Variants in KCNG3 observed in about 807,000 individuals in gnomAD.
KCNG3 encodes the protein potassium voltage-gated channel modifier subfamily G member 3, also known as voltage-gated potassium channel regulatory subunit KCNG3.
Under a neutral mutation model 29.0 loss-of-function variants are expected in KCNG3, and 15 were observed. That is an observed-to-expected ratio of 0.52 (90% confidence interval 0.35 to 0.80). KCNG3 has a LOEUF of 0.80. Ranked by LOEUF, KCNG3 falls within the 30% of genes least tolerant of loss-of-function variation. KCNG3 has a pLI of 0.01. For synonymous variants in KCNG3, 322 were observed against 248.9 expected, an observed-to-expected ratio of 1.29 and a Z score of -2.76; for missense variants, 512 against 605.7, an observed-to-expected ratio of 0.85 and a Z score of 1.62.
the KCNG3 span, among the ~76,000 whole-genome samples, chr2:42,413,068 C>G: frequency 2.7e-3 from 418 of 152,258 alleles, 4 homozygotes; most frequent in South Asian, 0.019. Flanking sequence ...CCCCAGGGCT[C>G]AACTCCTGCA....
chr2:42,486,617 C>T (rs1442449196), intron 1 of KCNG3, among the ~76,000 whole-genome samples: 1 of 152,214 alleles, frequency 6.6e-6, no homozygotes, highest in Admixed American at 6.5e-5. Flanking sequence ...GTAGACAAGC[C>T]CAGCCCATTG....
rs1391942627 is a variant in KCNG3 at position 42,493,653 on chromosome 2, C to G, written c.-152G>C. ...GGCTCCGCTCCTGCCCTCCGCTGGCCCGGGGGTCCCTGGGCTCGAGTATCT... is the reference window on the plus strand; with the variant it reads ...GGCTCCGCTCCTGCCCTCCGCTGGCGCGGGGGTCCCTGGGCTCGAGTATCT... On this transcript the variant is annotated 5_prime_UTR_variant, in exon 1 of 2. Transcript: ENST00000306078. The G allele has an allele frequency of 3.5e-6, 2 of 564,144 alleles. No homozygotes were observed. Among genetic ancestry groups the G allele is most frequent in the Non-Finnish European group, 5.2e-6 (2 of 385,440 alleles). The allele number at this position is 564,144 out of a possible 1,614,324, so 34.9% of individuals were successfully genotyped here.
At chr2:42,427,504 G>A in the KCNG3 span, among the ~76,000 whole-genome samples, 1 of 152,008 alleles carries the variant, frequency 6.6e-6, no homozygotes, top group African/African-American at 2.4e-5. Context: ...TACTTGGGAG[G>A]CTGAGGTGGG....
At chr2:42,401,790 A>G in the KCNG3 span, among the ~76,000 whole-genome samples, 1 of 152,198 alleles carries the variant, frequency 6.6e-6, no homozygotes, top group African/African-American at 2.4e-5. Context: ...AGGCTGAGGC[A>G]GGACGACTGC....
In KCNG3 at chr2:42,443,394, A is replaced by C. The variant is rs1318019208; in HGVS notation, c.*540T>G. 1 of 152,674 alleles carries C rather than the reference A, an allele frequency of 6.5e-6. No homozygotes were observed. The highest frequency in any genetic ancestry group is 1.5e-5 in the Non-Finnish European group (1 of 68,054). 9.5% of individuals were successfully genotyped at this position (152,674 alleles called of 1,614,324 possible). Reference sequence around the variant, plus strand: ...ATGCTGGAAAAGTCTTTCAAATACTATTCTTGCTTGTATCTAGCTCCATTA... The same window carrying C: ...ATGCTGGAAAAGTCTTTCAAATACTCTTCTTGCTTGTATCTAGCTCCATTA... On this transcript the variant is annotated 3_prime_UTR_variant, in exon 2 of 2. Coordinates refer to ENST00000306078, the MANE Select transcript of KCNG3 (RefSeq NM_133329.6).
chr2:42,425,204 C>G, the KCNG3 span: 1 of 151,530 alleles, frequency 6.6e-6, no homozygotes, highest in Non-Finnish European at 1.5e-5. Flanking sequence ...AATCAGCCAG[C>G]CCGGCCAGCA....
intron 1 of KCNG3, among the ~76,000 whole-genome samples, chr2:42,473,249 T>C (rs181087764): frequency 3.9e-5 from 6 of 152,170 alleles, no homozygotes; most frequent in Non-Finnish European, 1.5e-5. Flanking sequence ...GGTAAACAGG[T>C]ATTAATTGTG....
chr2:42,409,738 T>TAA, the KCNG3 span, among the ~76,000 whole-genome samples: 5 of 139,438 alleles, frequency 3.6e-5, no homozygotes, highest in East Asian at 4.2e-4. Flanking sequence ...AATTTTTTTT[T>TAA]AAATTATACA....
At chr2:42,456,259 C>A (rs752211604) in intron 1 of KCNG3, among the ~76,000 whole-genome samples, 35 of 152,154 alleles carry the variant, frequency 2.3e-4, no homozygotes, top group Non-Finnish European at 4.7e-4. Flanking sequence ...CAGTGGCTCA[C>A]ACCTGTAATC....
At chr2:42,463,821 T>A (rs1215486075) in intron 1 of KCNG3, 1 of 233,530 alleles carries the variant, frequency 4.3e-6, no homozygotes, top group Non-Finnish European at 8.6e-6. Context: ...CTGTACTTGG[T>A]TCGCAGGCTG....
the KCNG3 span, among the ~76,000 whole-genome samples, chr2:42,432,934 T>TAAAAAAAAAAAA: frequency 3.8e-5 from 5 of 132,752 alleles, no homozygotes; most frequent in Non-Finnish European, 8.1e-5. Flanking sequence ...GCTTTTATGA[T>TAAAAAAAAAAAA]AAAAAAAAAA....
At chr2:42,480,537 T>C (rs1002937611) in intron 1 of KCNG3, among the ~76,000 whole-genome samples, 11 of 152,272 alleles carry the variant, frequency 7.2e-5, no homozygotes, top group Non-Finnish European at 1.3e-4. Context: ...CCATAAACAA[T>C]ATGTAAAAGA....
At position 42,443,876 on chromosome 2, in the gene KCNG3, T is replaced by C. The variant is rs1672541125; in HGVS notation, c.*58A>G. The stretch of plus-strand genomic sequence containing the variant: ...GCTCACCCAGCAAGAAACACATAAA[T>C]ATGAAGCAGCATCAAAGTCTTTCTA... On this transcript the variant is annotated 3_prime_UTR_variant, in exon 2 of 2. Transcript: ENST00000306078. 2.0e-6 allele frequency: 3 copies of C among 1,486,130 alleles called. No individual in the cohort carries two copies. In the Admixed American group the frequency reaches 6.0e-5, roughly 30 times the overall value. The allele number at this position is 1,486,130 out of a possible 1,614,324, so 92.1% of individuals were successfully genotyped here.
At chr2:42,456,512 C>CA (rs1225946895) in intron 1 of KCNG3, among the ~76,000 whole-genome samples, 1 of 152,004 alleles carries the variant, frequency 6.6e-6, no homozygotes, top group Non-Finnish European at 1.5e-5. Flanking sequence ...AGACCAGCCT[C>CA]AAAAAACAAA....
At chr2:42,492,574 T>C (rs1332840465) in intron 1 of KCNG3, among the ~76,000 whole-genome samples, 1 of 152,230 alleles carries the variant, frequency 6.6e-6, no homozygotes, top group Non-Finnish European at 1.5e-5. Context: ...CATTTGTCTA[T>C]CTCTACACGC....
chr2:42,390,877 G>C, the KCNG3 span, among the ~76,000 whole-genome samples: 2 of 152,032 alleles, frequency 1.3e-5, no homozygotes, highest in South Asian at 2.1e-4. Context: ...CATTTTCTCC[G>C]AGAGTCCAAT....
At chr2:42,434,642 A>G in the KCNG3 span, among the ~76,000 whole-genome samples, 2 of 140,500 alleles carry the variant, frequency 1.4e-5, no homozygotes, top group East Asian at 4.4e-4. Flanking sequence ...CTCCAGCCTA[A>G]GCAACAAGAG....
At chr2:42,409,894 G>C in the KCNG3 span, among the ~76,000 whole-genome samples, 1 of 151,920 alleles carries the variant, frequency 6.6e-6, no homozygotes, top group Non-Finnish European at 1.5e-5. Flanking sequence ...TAGCCAGCCA[G>C]CTGCCTACTA....
intron 1 of KCNG3, among the ~76,000 whole-genome samples, chr2:42,476,500 T>A (rs68040695): frequency 0.85 from 128,827 of 150,702 alleles, 54,990 homozygotes; most frequent in Middle Eastern, 0.94. Context: ...AAAAAAAAAA[T>A]TTTTGAGACA....
Sources: allele counts gnomAD v4.1 joint callset (sites outside exome capture counted in the v4.1 genomes callset), GRCh38; gene constraint gnomAD v4.1.1; transcripts MANE v1.5; gene names NCBI Gene and HGNC (gene_info 2026-07-23, HGNC 2026-07-21).